CLTC: variants seen among roughly 807,000 people sequenced by gnomAD.
The protein encoded by CLTC is clathrin heavy chain.
CLTC carries 16 observed loss-of-function variants against 195.8 expected under a neutral mutation model. The ratio of observed to expected loss-of-function variants is 0.08; its 90% CI spans 0.06 to 0.12. The LOEUF (loss-of-function observed/expected upper bound fraction) is 0.12. CLTC is among the 10% of genes least tolerant of loss of function. The probability of loss-of-function intolerance (pLI) is 1.00; values close to 1 mark genes in which losing one functional copy is unlikely to be tolerated. For missense variants in CLTC, 796 were observed against 2,027.0 expected (o/e 0.39, Z 11.66); for synonymous variants, 667 against 689.4 (o/e 0.97, Z 0.51).
At position 59,660,481 on chromosome 17, in the gene CLTC, C is replaced by T. The variant is rs1344484363; in HGVS notation, c.1060C>T (p.Arg354Cys). Residue 354 changes from arginine (R) to cysteine (C), a missense_variant, in exon 7 of 32, where the codon CGT becomes TGT. By Grantham distance (180) the Arg-to-Cys change is radical. Coordinates refer to ENST00000269122, the MANE Select transcript of CLTC (RefSeq NM_004859.4). ...TGATTTGGCTCTGAGAATGGCTGTA[C>T]GTAATAACTTAGCCGGTGCTGAAGA... is the stretch of plus-strand genomic sequence containing the variant. ...NPDLALRMAVRNNLAGAEELF... is the reference protein window; with the variant it reads ...NPDLALRMAVCNNLAGAEELF... The T allele has an allele frequency of 6.2e-6, 10 of 1,613,884 alleles. No individual in the cohort carries two copies. The highest frequency in any genetic ancestry group is 2.2e-5 in the East Asian group (1 of 44,878).
rs2032323351 is a variant in CLTC, at chr17:59,651,377, A to AAG, written c.795+63_795+64dup. On this transcript the variant is annotated intron_variant, in intron 5 of 31. Transcript: ENST00000269122. Reference sequence around the variant, plus strand: ...TCTCCTCTTAAAAGAAATTAACCCAAAGACTATTCATGGTAGATATAATTT... The same window carrying AAG: ...TCTCCTCTTAAAAGAAATTAACCCAAAGAGACTATTCATGGTAGATATAATTT... 4 of 1,073,422 alleles carry AAG rather than the reference A, an allele frequency of 3.7e-6. No individual in the cohort carries two copies. The Admixed American group carries it at 7.3e-5, about 19-fold the overall frequency. The allele number at this position is 1,073,422 out of a possible 1,614,324, so 66.5% of individuals were successfully genotyped here. A position where few individuals can be genotyped will look rare whatever the true frequency, so the allele number is the denominator to read the frequency against.
In CLTC at chr17:59,648,074, C is replaced by CTGATTTTTT. The variant is rs2032240394; in HGVS notation, c.520-159_520-158insTTTGATTTT. ...GGCTTTAACAAGATAATGTTTGGGG[C>CTGATTTTTT]TGATTTTAAGTTAAGAAGTATCAAA... On this transcript the variant is annotated intron_variant, in intron 3 of 31. Coordinates refer to ENST00000269122, the MANE Select transcript of CLTC (RefSeq NM_004859.4). The surrounding 1 kb of genome is among the most constrained non-coding windows in gnomAD (Gnocchi z 4.5). Among the ~76,000 whole-genome samples, 1 of 152,116 alleles carries CTGATTTTTT rather than the reference C, an allele frequency of 6.6e-6. No individual in the cohort carries two copies. The highest frequency in any genetic ancestry group is 2.4e-5 in the African/African-American group (1 of 41,402).
At chr17:59,651,486 A>C (rs1337732144) in intron 5 of CLTC, among the ~76,000 whole-genome samples, 170 bp downstream of exon 5, 1 of 152,160 alleles carries the variant, frequency 6.6e-6, no homozygotes, top group Non-Finnish European at 1.5e-5. Flanking sequence ...GTACAGGACT[A>C]CCTTAGGCCT....
intron 6 of CLTC, among the ~76,000 whole-genome samples, chr17:59,658,163 A>C (rs1424426287): frequency 6.6e-6 from 1 of 152,134 alleles, no homozygotes; most frequent in South Asian, 2.1e-4. Flanking sequence ...ATATTGTGCC[A>C]TTGCACTCCA....
rs2033367374 is a variant in CLTC at position 59,693,969 on chromosome 17, A to G, written c.*117A>G. On this transcript the variant is annotated 3_prime_UTR_variant, in exon 32 of 32. Transcript: ENST00000269122. ...TGTTCTTGTAACCTTTATTTCATGA[A>G]GGACTTCTTTTTGTTTCTAACTATA... The G allele has an allele frequency of 1.8e-6, 2 of 1,105,980 alleles. No individual in the cohort carries two copies. Among genetic ancestry groups the G allele is most frequent in the African/African-American group, 3.2e-5 (2 of 62,038 alleles). The allele number at this position is 1,105,980 out of a possible 1,614,324, so 68.5% of individuals were successfully genotyped here. A position where few individuals can be genotyped will look rare whatever the true frequency, so the allele number is the denominator to read the frequency against.
intron 30 of CLTC, chr17:59,686,930 G>C (rs1230398360): frequency 2.2e-6 from 2 of 896,420 alleles, no homozygotes; most frequent in Non-Finnish European, 2.7e-6. Flanking sequence ...CTTTGTTGCT[G>C]ATTCTACCTT....
chr17:59,670,484 C>T (rs1364091317), intron 14 of CLTC, among the ~76,000 whole-genome samples: 1 of 152,012 alleles, frequency 6.6e-6, no homozygotes, highest in Non-Finnish European at 1.5e-5. Context: ...TGTTGTTCCT[C>T]TCTGTGTCCA....
At position 59,620,153 on chromosome 17, in the gene CLTC, C is replaced by A. The variant is rs1236458972; in HGVS notation, c.22C>A (p.Arg8Ser). The stretch of plus-strand genomic sequence containing the variant: ...CGCCATGGCCCAGATTCTGCCAATT[C>A]GTTTTCAGGAGCATCTCCAGGTGCG... MAQILPIRFQEHLQLQNL... is the reference protein window; with the variant it reads MAQILPISFQEHLQLQNL... The change falls in exon 1 of 32, where the codon CGT (arginine) becomes AGT (serine). Residue 8 changes from arginine to serine, a missense_variant. Transcript: ENST00000269122. 1 of 1,613,934 alleles carries A rather than the reference C, an allele frequency of 6.2e-7. No individual in the cohort carries two copies. The highest frequency in any genetic ancestry group is 1.7e-5 in the Admixed American group (1 of 59,996).
Position 59,681,957 on chromosome 17 carries a change from CAT to C in CLTC, c.3442+119_3442+120del. The C allele has an allele frequency of 2.3e-6, 2 of 887,884 alleles. No homozygotes were observed. The highest frequency in any genetic ancestry group is 3.3e-6 in the Non-Finnish European group (2 of 601,002). The allele number at this position is 887,884 out of a possible 1,614,324, so 55.0% of individuals were successfully genotyped here. A position where few individuals can be genotyped will look rare whatever the true frequency, so the allele number is the denominator to read the frequency against. On this transcript the variant is annotated intron_variant, in intron 21 of 31. Coordinates refer to ENST00000269122, the MANE Select transcript of CLTC (RefSeq NM_004859.4). The surrounding 1 kb of genome is among the most constrained non-coding windows in gnomAD (Gnocchi z 5.0). ...TACTGCATGGTTTCTTTTAGTGCTCCATCTTAGTCCAGATAAAAAGAGGCTGT... is the reference window on the plus strand; with the variant it reads ...TACTGCATGGTTTCTTTTAGTGCTCCCTTAGTCCAGATAAAAAGAGGCTGT...
chr17:59,650,266 A>C (rs2032296137), intron 4 of CLTC, among the ~76,000 whole-genome samples: 1 of 152,142 alleles, frequency 6.6e-6, no homozygotes, highest in Non-Finnish European at 1.5e-5. Context: ...GATGTTTGTG[A>C]TTAGAGAGAC....
intron 5 of CLTC, among the ~76,000 whole-genome samples, chr17:59,654,794 AAG>A (rs2032424662): frequency 6.6e-6 from 1 of 152,242 alleles, no homozygotes; most frequent in African/African-American, 2.4e-5. Flanking sequence ...AACATTTTAA[AAG>A]AGAAAAAAAC....
At position 59,648,489 on chromosome 17, in the gene CLTC, C is replaced by T; in HGVS notation, c.681+88C>T. 8.1e-7 allele frequency: 1 copy of T among 1,228,136 alleles called. No homozygotes were observed. The highest frequency in any genetic ancestry group is 1.5e-5 in the African/African-American group (1 of 66,732). The allele number at this position is 1,228,136 out of a possible 1,614,324, so 76.1% of individuals were successfully genotyped here. A position where few individuals can be genotyped will look rare whatever the true frequency, so the allele number is the denominator to read the frequency against. On this transcript the variant is annotated intron_variant, in intron 4 of 31. Transcript: ENST00000269122. The surrounding 1 kb of genome is among the most constrained non-coding windows in gnomAD (Gnocchi z 4.5). ...AGTCATCTAATTTCAAAATAGCCTT[C>T]TCCCTTCCTAAGTAATTTTAGTATT...
Position 59,620,182 on chromosome 17 carries a change from G to A in CLTC, c.42+9G>A. ...TTCAGGAGCATCTCCAGGTGCGGCC[G>A]GGCCCGGGCTGGTGAGGGCTGTGGA... is the stretch of plus-strand genomic sequence containing the variant. On this transcript the variant is annotated intron_variant, in intron 1 of 31. Coordinates refer to ENST00000269122, the MANE Select transcript of CLTC (RefSeq NM_004859.4). 6.2e-7 allele frequency: 1 copy of A among 1,614,022 alleles called. No homozygotes were observed. Among genetic ancestry groups the A allele is most frequent in the Non-Finnish European group, 8.5e-7 (1 of 1,179,944 alleles).
chr17:59,680,798 T>C, intron 18 of CLTC, 114 bp from the exon 19 acceptor site: 1 of 762,900 alleles, frequency 1.3e-6, no homozygotes, highest in South Asian at 2.3e-5. Flanking sequence ...TTTAAAGGTC[T>C]TTTTCCTACT....
chr17:59,668,579 T>C (rs960351732), intron 13 of CLTC, among the ~76,000 whole-genome samples, 198 bp from the exon 14 acceptor site: 2 of 152,224 alleles, frequency 1.3e-5, no homozygotes, highest in Admixed American at 1.3e-4. Flanking sequence ...TTGGGTTGAA[T>C]TGTCTATTCT....
intron 6 of CLTC, among the ~76,000 whole-genome samples, chr17:59,660,148 A>G (rs929038498): frequency 5.9e-5 from 9 of 152,238 alleles, no homozygotes; most frequent in African/African-American, 1.7e-4. Context: ...TATTTAGATT[A>G]TAGAATAGCC....
chr17:59,666,138 G>A lies in CLTC; in HGVS notation c.1680G>A (p.Gln560=), dbSNP rs1267911842. Residue 560 remains glutamine (Q), a synonymous_variant, in exon 11 of 32, where the codon CAG becomes CAA. Transcript: ENST00000269122. This position sits in a 1 kb window ranked among gnomAD's most constrained non-coding sequence, Gnocchi z 4.9. ...TCTTTATGGAATACAATCTAATTCA[G>A]CAGTGTACTGCATTCTTGCTTGATG... is the stretch of plus-strand genomic sequence containing the variant. ...VDVFMEYNLI[Q]QCTAFLLDAL... is the part of the protein sequence containing the mutation. 1 of 1,611,500 alleles carries A rather than the reference G, an allele frequency of 6.2e-7. No individual in the cohort carries two copies. The highest frequency in any genetic ancestry group is 8.5e-7 in the Non-Finnish European group (1 of 1,177,746).
At chr17:59,674,143 A>AG (rs1230436455) in intron 15 of CLTC, among the ~76,000 whole-genome samples, 3 of 151,920 alleles carry the variant, frequency 2.0e-5, no homozygotes, top group East Asian at 1.9e-4. Context: ...GACTCAGGGA[A>AG]GGGGGAAAAA....
intron 1 of CLTC, among the ~76,000 whole-genome samples, chr17:59,642,137 C>A (rs959312648): frequency 6.6e-6 from 1 of 150,864 alleles, no homozygotes; most frequent in African/African-American, 2.4e-5. Flanking sequence ...TTTTGACTTT[C>A]CTTTTTCCTC....
Sources: allele counts gnomAD v4.1 joint callset (sites outside exome capture counted in the v4.1 genomes callset), GRCh38; gene constraint gnomAD v4.1.1; non-coding constraint Gnocchi (gnomAD v3.1); transcripts MANE v1.5; gene names NCBI Gene and HGNC (gene_info 2026-07-23, HGNC 2026-07-21).